Variants in CTIF observed in about 807,000 individuals in gnomAD.
The protein encoded by CTIF is CBP80/20-dependent translation initiation factor.
A neutral mutation model predicts 66.0 loss-of-function variants in CTIF; 21 were observed. The ratio of observed to expected loss-of-function variants is 0.32; its 90% CI spans 0.23 to 0.46. The LOEUF (loss-of-function observed/expected upper bound fraction) is 0.46, where lower values mean the gene tolerates loss of function less well. Ranked by LOEUF, CTIF falls within the 20% of genes least tolerant of loss-of-function variation. CTIF has a pLI of 1.00. For synonymous variants in CTIF, 345 were observed against 326.4 expected, an observed-to-expected ratio of 1.06 and a Z score of -0.62; for missense variants, 739 against 812.7, an observed-to-expected ratio of 0.91 and a Z score of 1.10.
intron 10 of CTIF, among the ~76,000 whole-genome samples, chr18:48,833,276 G>A (rs908438737): frequency 2.6e-5 from 4 of 152,192 alleles, no homozygotes; most frequent in Admixed American, 1.3e-4. Context: ...CTTGGCTAAC[G>A]CTGCAGGCGG....
At chr18:48,599,111 A>G (rs1461669999) in intron 1 of CTIF, among the ~76,000 whole-genome samples, 1 of 152,166 alleles carries the variant, frequency 6.6e-6, no homozygotes, top group Admixed American at 6.5e-5. Flanking sequence ...CGATCAGCTC[A>G]TGGGTGTTGG....
chr18:48,827,539 C>T (rs1239674090), intron 10 of CTIF, among the ~76,000 whole-genome samples: 2 of 152,168 alleles, frequency 1.3e-5, no homozygotes, highest in Non-Finnish European at 2.9e-5. Flanking sequence ...AACGGTCAAA[C>T]AAAAAGACTT....
intron 9 of CTIF, among the ~76,000 whole-genome samples, chr18:48,785,807 C>T (rs889162070): frequency 2.6e-5 from 4 of 152,178 alleles, no homozygotes; most frequent in Admixed American, 1.3e-4. Flanking sequence ...ATGCCAATGC[C>T]CAGGCTATGC....
At chr18:48,631,798 C>A (rs143226632) in intron 2 of CTIF, among the ~76,000 whole-genome samples, 1,592 of 152,214 alleles carry the variant, frequency 0.01, 25 homozygotes, top group African/African-American at 0.037. Flanking sequence ...ATGACCTTTT[C>A]AAGTAAGACA....
At chr18:48,651,710 T>C (rs931507583) in intron 3 of CTIF, among the ~76,000 whole-genome samples, 1 of 152,188 alleles carries the variant, frequency 6.6e-6, no homozygotes, top group African/African-American at 2.4e-5. Flanking sequence ...GACCACTTAG[T>C]TGGAAGTAAA....
At chr18:48,572,042 CTTCTCT>C (rs368844015) in intron 1 of CTIF, among the ~76,000 whole-genome samples, 13,743 of 151,818 alleles carry the variant, frequency 0.091, 858 homozygotes, top group African/African-American at 0.17. Context: ...TTATTTCTTC[CTTCTCT>C]TTCTCCTTCT....
chr18:48,554,960 A>G (rs16949464), intron 1 of CTIF, among the ~76,000 whole-genome samples: 1 of 151,786 alleles, frequency 6.6e-6, no homozygotes, highest in Admixed American at 6.6e-5. Flanking sequence ...CGCATATCCC[A>G]TTCTCCTTCC....
At chr18:48,602,808 CGAATGGATGAATGGGTGGAT>C (rs1568064500) in intron 1 of CTIF, among the ~76,000 whole-genome samples, 2 of 146,962 alleles carry the variant, frequency 1.4e-5, no homozygotes, top group South Asian at 2.2e-4. Context: ...GGTGGGTGAA[CGAATGGATGAATGGGTGGAT>C]GAATGGATGG....
At chr18:48,798,066 G>A (rs778383711) in intron 9 of CTIF, among the ~76,000 whole-genome samples, 7 of 152,216 alleles carry the variant, frequency 4.6e-5, no homozygotes, top group South Asian at 4.1e-4. Context: ...GCAAGCAGAC[G>A]GGTGAGGAGG....
chr18:48,756,909 T>C (rs147808857), intron 7 of CTIF, among the ~76,000 whole-genome samples: 2 of 152,360 alleles, frequency 1.3e-5, no homozygotes, highest in East Asian at 3.9e-4. Context: ...ATATTCCTTC[T>C]GTATCTGTTT....
At chr18:48,750,134 ATT>A (rs1321977193) in intron 7 of CTIF, among the ~76,000 whole-genome samples, 1 of 152,154 alleles carries the variant, frequency 6.6e-6, no homozygotes, top group Non-Finnish European at 1.5e-5. Context: ...GCTTCATTTC[ATT>A]GTAGCCTCAG....
intron 7 of CTIF, among the ~76,000 whole-genome samples, chr18:48,714,646 C>T (rs11662494): frequency 0.17 from 26,447 of 152,202 alleles, 2,547 homozygotes; most frequent in South Asian, 0.37. Flanking sequence ...TCCAGCTGCA[C>T]TCTCAGGGGT....
intron 10 of CTIF, among the ~76,000 whole-genome samples, chr18:48,854,979 A>G (rs1439912249): frequency 2.2e-5 from 3 of 138,294 alleles, no homozygotes; most frequent in Non-Finnish European, 4.8e-5. Context: ...TCTGATAGAG[A>G]TGTTTATTGG....
chr18:48,624,745 G>A (rs1385106424), intron 2 of CTIF, among the ~76,000 whole-genome samples: 1 of 152,160 alleles, frequency 6.6e-6, no homozygotes, highest in Non-Finnish European at 1.5e-5. Flanking sequence ...GTGGGAGCAG[G>A]GCTGTCTCCT....
chr18:48,792,835 T>C lies in CTIF; in HGVS notation c.1372-24386T>C, dbSNP rs769555065. Among the ~76,000 whole-genome samples the C allele has an allele frequency of 3.0e-4, 45 of 152,178 alleles. 2 individuals are homozygous for C. The highest frequency in any genetic ancestry group is 1.1e-3 in the Admixed American group (17 of 15,298). ...CAGGAGCTCACTATTGGACATGTCATGTTGGAATTGTGCAATAGGAAGTGG... is the reference window on the plus strand; with the variant it reads ...CAGGAGCTCACTATTGGACATGTCACGTTGGAATTGTGCAATAGGAAGTGG... On this transcript the variant is annotated intron_variant, in intron 9 of 11. Transcript: ENST00000256413.
At chr18:48,569,822 C>T (rs2089371159) in intron 1 of CTIF, among the ~76,000 whole-genome samples, 1 of 152,218 alleles carries the variant, frequency 6.6e-6, no homozygotes, top group African/African-American at 2.4e-5. Context: ...GCACCAGCCC[C>T]TGGCCCCCTG....
intron 6 of CTIF, among the ~76,000 whole-genome samples, chr18:48,691,804 C>T (rs1242505240): frequency 6.6e-6 from 1 of 152,206 alleles, no homozygotes. Context: ...TTCTTCACTC[C>T]CTCATCTATT....
chr18:48,671,752 A>G (rs974122821), intron 6 of CTIF, among the ~76,000 whole-genome samples: 1 of 151,224 alleles, frequency 6.6e-6, no homozygotes, highest in Non-Finnish European at 1.5e-5. Context: ...TTCCAATTGT[A>G]TGTATTCTAT....
intron 10 of CTIF, among the ~76,000 whole-genome samples, chr18:48,856,967 G>C (rs1368853654): frequency 6.6e-6 from 1 of 152,236 alleles, no homozygotes; most frequent in African/African-American, 2.4e-5. Context: ...GGCAAGTCGG[G>C]GGAAGCATGG....
Sources: gnomAD v4.1 joint callset for allele counts (sites outside exome capture counted in the v4.1 genomes callset) on GRCh38, gnomAD v4.1.1 for gene constraint, MANE v1.5 for transcripts, NCBI Gene and HGNC (gene_info 2026-07-23, HGNC 2026-07-21) for gene names.